FGF13: variants seen among roughly 807,000 people sequenced by gnomAD.
FGF13 encodes fibroblast growth factor homologous factor 2.
Under a neutral mutation model 19.5 loss-of-function variants are expected in FGF13, and 2 were observed. That is an observed-to-expected ratio of 0.10 (90% CI 0.04 to 0.32). FGF13 has a LOEUF of 0.32. FGF13 is among the 10% of genes least tolerant of loss of function. The probability of loss-of-function intolerance (pLI) is 1.00; values close to 1 mark genes in which losing one functional copy is unlikely to be tolerated. For missense variants in FGF13, 113 were observed against 192.7 expected (o/e 0.59, Z 2.45); for synonymous variants, 72 against 76.9 (o/e 0.94, Z 0.33).
At chrX:138,895,434 CAT>C (rs2091499398) in intron 1 of FGF13, among the ~76,000 whole-genome samples, 1 of 111,903 alleles carries the variant, frequency 8.9e-6, no homozygotes, top group African/African-American at 3.2e-5. Context: ...CCAAAGGAGA[CAT>C]AAAATTGGCC....
chrX:138,804,960 T>G (rs1004636849), intron 3 of FGF13, among the ~76,000 whole-genome samples: 1 of 112,029 alleles, frequency 8.9e-6, no homozygotes, highest in Non-Finnish European at 1.9e-5. Flanking sequence ...AATATCAGAT[T>G]GATCATAGGG....
chrX:138,931,053 G>T (rs1217690436), intron 1 of FGF13, among the ~76,000 whole-genome samples: 1 of 112,526 alleles, frequency 8.9e-6, no homozygotes, highest in Non-Finnish European at 1.9e-5. Context: ...CATTAAAAAG[G>T]ATTTTCTACC....
intron 3 of FGF13, among the ~76,000 whole-genome samples, chrX:138,650,564 C>T (rs1451230782): frequency 9.0e-6 from 1 of 111,348 alleles, no homozygotes; most frequent in African/African-American, 3.3e-5. Flanking sequence ...GAACTATAAA[C>T]AATACACTAC....
chrX:138,717,042 A>G (rs1201743512), intron 1 of FGF13, among the ~76,000 whole-genome samples: 1 of 112,319 alleles, frequency 8.9e-6, no homozygotes, highest in Non-Finnish European at 1.9e-5. Context: ...CCCACATACA[A>G]ATTTCATTGT....
chrX:138,760,190 C>T (rs186053216), intron 3 of FGF13, among the ~76,000 whole-genome samples: 1 of 111,541 alleles, frequency 9.0e-6, no homozygotes, highest in Non-Finnish European at 1.9e-5. Context: ...TTTATATTGT[C>T]GTGCACCTAA....
chrX:139,100,041 AAC>A (rs56821859), intron 1 of FGF13, among the ~76,000 whole-genome samples: 21,167 of 76,071 alleles, frequency 0.28, 2,554 homozygotes, highest in South Asian at 0.49. Flanking sequence ...GGGGAAAGCA[AAC>A]ACACACACAC....
intron 1 of FGF13, among the ~76,000 whole-genome samples, chrX:139,096,094 A>T (rs934258805): frequency 1.1e-4 from 12 of 111,980 alleles, no homozygotes; most frequent in African/African-American, 3.9e-4. Flanking sequence ...AATTGAACAG[A>T]TTCTGAGTAG....
chrX:138,780,199 G>A (rs1314280205), intron 3 of FGF13, among the ~76,000 whole-genome samples: 11 of 109,627 alleles, frequency 1.0e-4, no homozygotes, highest in Non-Finnish European at 1.5e-4. Flanking sequence ...GGTACCAGCC[G>A]CCGCAAAATC....
At chrX:139,039,050 A>C (rs987251228) in intron 1 of FGF13, among the ~76,000 whole-genome samples, 4 of 112,574 alleles carry the variant, frequency 3.6e-5, no homozygotes, top group Non-Finnish European at 7.5e-5. Flanking sequence ...ATCAGCTAGT[A>C]AGCTTGGAAC....
rs1453446676 is a variant in FGF13 at position 138,984,527 on chromosome X, G to GAAC, written c.-112-119878_-112-119877insGTT. Reference sequence around the variant, plus strand: ...AGAAGAAGAGGAAGAAGAAGAGGAAGAAGAAGAAGAAGAAGAAGAAGAAGA... The same window carrying GAAC: ...AGAAGAAGAGGAAGAAGAAGAGGAAGAACAAGAAGAAGAAGAAGAAGAAGAAGA... On this transcript the variant is annotated intron_variant, in intron 1 of 2. Transcript: ENST00000421460. Among the ~76,000 whole-genome samples the GAAC allele has an allele frequency of 4.2e-3, 73 of 17,484 alleles. 5 individuals are homozygous for GAAC. Among genetic ancestry groups the GAAC allele is most frequent in the African/African-American group, 0.014 (69 of 5,048 alleles). The allele number at this position is 17,484 out of a possible 115,157, so 15.2% of individuals were successfully genotyped here.
At chrX:139,171,829 T>C (rs1018611473) in intron 1 of FGF13, among the ~76,000 whole-genome samples, 1 of 111,945 alleles carries the variant, frequency 8.9e-6, no homozygotes, top group Admixed American at 9.5e-5. Context: ...GCTAATGACT[T>C]TATACAAGAA....
chrX:138,885,707 C>T (rs1274170021), intron 1 of FGF13, among the ~76,000 whole-genome samples: 1 of 108,108 alleles, frequency 9.3e-6, no homozygotes, highest in Non-Finnish European at 1.9e-5. Context: ...CTAACCCCCC[C>T]CGCCAATACT....
At chrX:138,910,519 C>A (rs2091582142) in intron 1 of FGF13, among the ~76,000 whole-genome samples, 2 of 112,057 alleles carry the variant, frequency 1.8e-5, no homozygotes, top group Non-Finnish European at 3.8e-5. Flanking sequence ...GAAGCCACTG[C>A]AAGTTCTGAA....
chrX:139,064,287 T>C (rs1178438805), intron 1 of FGF13, among the ~76,000 whole-genome samples: 1,235 of 41,983 alleles, frequency 0.029, 77 homozygotes, highest in East Asian at 0.11. Flanking sequence ...TTTTCTTTTT[T>C]TTTTTTTTTT....
intron 1 of FGF13, among the ~76,000 whole-genome samples, chrX:139,073,199 T>C (rs757670484): frequency 2.0e-4 from 21 of 106,350 alleles, no homozygotes; most frequent in Admixed American, 1.3e-3. Context: ...TAATTTGAGT[T>C]TTCTATACTT....
chrX:139,023,475 AAAGAGAGAGAAGGG>A (rs1235972318), intron 1 of FGF13, among the ~76,000 whole-genome samples: 3 of 111,206 alleles, frequency 2.7e-5, no homozygotes, highest in Non-Finnish European at 5.7e-5. Flanking sequence ...AAAAAGAAGC[AAAGAGAGAGAAGGG>A]AAGAGAGAGA....
rs144288332 is a variant in FGF13 at position 138,676,446 on chromosome X, C to T, written c.402+26538G>A. Reference sequence around the variant, plus strand: ...ACTTAAATGTCCAGTAAAGATTTATCTTTAAGAATTTATCTTTTCTTCACC... The same window carrying T: ...ACTTAAATGTCCAGTAAAGATTTATTTTTAAGAATTTATCTTTTCTTCACC... On this transcript the variant is annotated intron_variant, in intron 3 of 4. Transcript: ENST00000315930. Among the ~76,000 whole-genome samples the T allele has an allele frequency of 6.2e-3, 691 of 111,648 alleles. 8 individuals are homozygous for T. Among genetic ancestry groups the T allele is most frequent in the African/African-American group, 0.021 (651 of 30,677 alleles).
intron 3 of FGF13, among the ~76,000 whole-genome samples, chrX:138,802,361 C>T (rs929009005): frequency 2.7e-5 from 3 of 110,880 alleles, no homozygotes; most frequent in Non-Finnish European, 5.7e-5. Context: ...GTCCCAGCTC[C>T]TTGTACTTCC....
intron 1 of FGF13, among the ~76,000 whole-genome samples, chrX:139,001,324 A>C (rs753194208): frequency 9.8e-5 from 11 of 112,049 alleles, no homozygotes; most frequent in Non-Finnish European, 2.1e-4. Context: ...AGAAAAGCCA[A>C]AATTGACAAG....
Sources: allele counts gnomAD v4.1 joint callset (sites outside exome capture counted in the v4.1 genomes callset), GRCh38; gene constraint gnomAD v4.1.1; transcripts MANE v1.5; gene names NCBI Gene and HGNC (gene_info 2026-07-23, HGNC 2026-07-21).